FNIP2: variants seen among roughly 807,000 people sequenced by gnomAD.
The protein encoded by FNIP2 is folliculin-interacting protein 2.
FNIP2 carries 32 observed loss-of-function variants against 108.7 expected under a neutral mutation model. The observed-to-expected ratio is 0.29, with a 90% CI of 0.22 to 0.40. The LOEUF is 0.40. FNIP2 is among the 10% of genes least tolerant of loss of function. The pLI is 1.00. For missense variants in FNIP2, 1,202 were observed against 1,381.6 expected (o/e 0.87, Z 2.06); for synonymous variants, 480 against 496.7 (o/e 0.97, Z 0.45).
intron 1 of FNIP2, among the ~76,000 whole-genome samples, chr4:158,815,613 C>T (rs1287947425): frequency 6.6e-6 from 1 of 152,132 alleles, no homozygotes; most frequent in Non-Finnish European, 1.5e-5. Context: ...ATCCGCCAGC[C>T]TCGGCCTCCC....
intron 1 of FNIP2, among the ~76,000 whole-genome samples, chr4:158,779,046 G>T (rs890034725): frequency 2.0e-5 from 3 of 152,192 alleles, no homozygotes; most frequent in Non-Finnish European, 2.9e-5. Flanking sequence ...TGGTAGGGTG[G>T]TGGGGAAACT....
Position 158,844,756 on chromosome 4 carries a change from C to G in FNIP2, c.728-6565C>G, listed in dbSNP as rs544624834. On this transcript the variant is annotated intron_variant, in intron 7 of 16. Transcript: ENST00000264433. ...GGCCTTATTTGGTCAAATCTAAATT[C>G]TTTCATCAAATAATCACTACAGTGT... Among the ~76,000 whole-genome samples, 5 of 152,310 alleles carry G rather than the reference C, an allele frequency of 3.3e-5. No homozygotes were observed. The East Asian group carries it at 7.7e-4, about 23-fold the overall frequency.
intron 14 of FNIP2, chr4:158,890,392 A>G (rs1264549844): frequency 3.1e-6 from 3 of 976,416 alleles, no homozygotes; most frequent in East Asian, 2.3e-4. Context: ...GTCCGCACGA[A>G]GTTTTCATTC....
At chr4:158,900,723 A>G (rs1046482970) in intron 16 of FNIP2, among the ~76,000 whole-genome samples, 15 of 151,878 alleles carry the variant, frequency 9.9e-5, no homozygotes, top group Non-Finnish European at 1.8e-4. Context: ...GAGTCTGTGT[A>G]TGTGTTTGCA....
chr4:158,839,909 G>A (rs1335758279), intron 7 of FNIP2, among the ~76,000 whole-genome samples: 1 of 152,162 alleles, frequency 6.6e-6, no homozygotes, highest in Non-Finnish European at 1.5e-5. Flanking sequence ...CACAAGCTGG[G>A]GCAGGTATGG....
intron 7 of FNIP2, among the ~76,000 whole-genome samples, chr4:158,839,333 A>G (rs1236292064): frequency 1.3e-5 from 2 of 151,868 alleles, no homozygotes; most frequent in Admixed American, 6.6e-5. Context: ...ACTTTTGGCT[A>G]AAACCCAATA....
Position 158,818,540 on chromosome 4 carries a change from G to A in FNIP2, c.108-7376G>A, listed in dbSNP as rs988844051. Among the ~76,000 whole-genome samples the A allele has an allele frequency of 2.5e-4, 38 of 152,158 alleles. 1 individual carries two copies. Among genetic ancestry groups the A allele is most frequent in the South Asian group, 2.1e-4 (1 of 4,818 alleles). On this transcript the variant is annotated intron_variant, in intron 1 of 16. Transcript: ENST00000264433. ...TTATAGTCTCTATCTAATCCACTTA[G>A]CATAAGTATTCATAACTTGGGCTGG...
chr4:158,854,494 G>T (rs746577922), intron 8 of FNIP2, among the ~76,000 whole-genome samples: 1 of 152,244 alleles, frequency 6.6e-6, no homozygotes, highest in Non-Finnish European at 1.5e-5. Flanking sequence ...CGGGCCAGTT[G>T]CTCGGTGTCT....
At chr4:158,787,864 C>T (rs1349598426) in intron 1 of FNIP2, among the ~76,000 whole-genome samples, 2 of 152,144 alleles carry the variant, frequency 1.3e-5, no homozygotes, top group Non-Finnish European at 2.9e-5. Context: ...ACTCTTAAGT[C>T]CAGTCAAAGC....
chr4:158,873,562 T>C (rs1327038435), intron 14 of FNIP2, among the ~76,000 whole-genome samples: 1 of 152,246 alleles, frequency 6.6e-6, no homozygotes, highest in African/African-American at 2.4e-5. Context: ...CATTGAGAGA[T>C]TGCTTTGTAA....
intron 7 of FNIP2, among the ~76,000 whole-genome samples, chr4:158,837,467 T>A (rs1300909935): frequency 6.6e-6 from 1 of 152,184 alleles, no homozygotes; most frequent in African/African-American, 2.4e-5. Context: ...TAGGAAAAGT[T>A]TGGATTTTCC....
chr4:158,830,921 G>T (rs945507864), intron 3 of FNIP2, among the ~76,000 whole-genome samples: 4 of 152,186 alleles, frequency 2.6e-5, no homozygotes, highest in African/African-American at 4.8e-5. Flanking sequence ...ATGTATTGGG[G>T]TATACGATTC....
At position 158,893,745 on chromosome 4, in the gene FNIP2, T is replaced by C. The variant is rs1376400980; in HGVS notation, c.3151-2005T>C. On this transcript the variant is annotated intron_variant, in intron 15 of 16. Coordinates refer to ENST00000264433, the MANE Select transcript of FNIP2 (RefSeq NM_020840.3). ...GTAAGAGAAGTAATGTATATTAGAC[T>C]TCATAGTTTACTTCATAAGTATTTG... 10 of 1,504,936 alleles carry C rather than the reference T, an allele frequency of 6.6e-6. No individual in the cohort carries two copies. In the East Asian group the frequency reaches 2.1e-4, roughly 32 times the overall value. The allele number at this position is 1,504,936 out of a possible 1,614,324, so 93.2% of individuals were successfully genotyped here.
intron 7 of FNIP2, among the ~76,000 whole-genome samples, chr4:158,848,663 A>G (rs1272215825): frequency 6.6e-6 from 1 of 152,202 alleles, no homozygotes; most frequent in Non-Finnish European, 1.5e-5. Context: ...AGAGACAGAG[A>G]TATGTGACCT....
chr4:158,885,048 C>T (rs560111707), intron 14 of FNIP2, among the ~76,000 whole-genome samples: 3 of 151,542 alleles, frequency 2.0e-5, no homozygotes, highest in African/African-American at 2.4e-5. Context: ...CCCAGCTACT[C>T]GGGAGGCTGA....
intron 1 of FNIP2, among the ~76,000 whole-genome samples, chr4:158,780,067 C>A (rs1775988232): frequency 6.6e-6 from 1 of 151,418 alleles, no homozygotes; most frequent in South Asian, 2.1e-4. Context: ...AAAAAAAAAA[C>A]TAGCTAGGCA....
intron 14 of FNIP2, among the ~76,000 whole-genome samples, chr4:158,876,167 A>T (rs1781272899): frequency 1.3e-5 from 2 of 152,150 alleles, no homozygotes; most frequent in African/African-American, 4.8e-5. Context: ...AATCATTGTG[A>T]TTCTCTCGCC....
chr4:158,866,909 T>C (rs574809680), intron 12 of FNIP2, among the ~76,000 whole-genome samples: 2 of 152,364 alleles, frequency 1.3e-5, no homozygotes, highest in South Asian at 4.1e-4. Flanking sequence ...ACACAGTGCC[T>C]GTCCAGTTAG....
chr4:158,843,712 G>A (rs1461251148), intron 7 of FNIP2, among the ~76,000 whole-genome samples: 6 of 152,190 alleles, frequency 3.9e-5, no homozygotes, highest in Non-Finnish European at 7.3e-5. Context: ...AAGATGTATC[G>A]TGGGGATGGG....
Sources: gnomAD v4.1 joint callset for allele counts (sites outside exome capture counted in the v4.1 genomes callset) on GRCh38, gnomAD v4.1.1 for gene constraint, MANE v1.5 for transcripts, NCBI Gene and HGNC (gene_info 2026-07-23, HGNC 2026-07-21) for gene names.